The following THSD7B variants were observed in gnomAD, a reference collection of about 807,000 sequenced individuals.
The protein encoded by THSD7B is thrombospondin type 1 domain containing 7B.
Under a neutral mutation model 213.6 loss-of-function variants are expected in THSD7B, and 138 were observed. That is an observed-to-expected ratio of 0.65 (90% CI 0.56 to 0.74). The LOEUF (loss-of-function observed/expected upper bound fraction) is 0.74, where lower values mean the gene tolerates loss of function less well. THSD7B is among the 30% of genes least tolerant of loss of function. THSD7B has a pLI of 0.00. For synonymous variants in THSD7B, 742 were observed against 687.0 expected (o/e 1.08, Z -1.25); for missense variants, 1,931 against 1,991.5 (o/e 0.97, Z 0.58).
intron 24 of THSD7B, among the ~76,000 whole-genome samples, chr2:137,658,882 C>A (rs187006933): frequency 6.6e-6 from 1 of 152,162 alleles, no homozygotes; most frequent in Non-Finnish European, 1.5e-5. Flanking sequence ...AACGCTAGAA[C>A]CTTTCAATGC....
At chr2:137,338,884 G>C (rs969739078) in intron 12 of THSD7B, among the ~76,000 whole-genome samples, 2 of 152,012 alleles carry the variant, frequency 1.3e-5, no homozygotes, top group Non-Finnish European at 2.9e-5. Context: ...GGCTGTGGAG[G>C]TTAATTGCTC....
intron 10 of THSD7B, among the ~76,000 whole-genome samples, chr2:137,251,215 A>G (rs147572502): frequency 8.5e-5 from 13 of 152,298 alleles, no homozygotes; most frequent in Non-Finnish European, 1.5e-4. Flanking sequence ...TCCTCATAAA[A>G]ATTTGCATAG....
intron 3 of THSD7B, among the ~76,000 whole-genome samples, chr2:137,078,790 G>A (rs948016974): frequency 2.6e-5 from 4 of 151,804 alleles, no homozygotes; most frequent in African/African-American, 9.7e-5. Flanking sequence ...GATTCTTATA[G>A]TGTTTTATTA....
At chr2:136,796,967 A>G (rs913796650) in intron 1 of THSD7B, among the ~76,000 whole-genome samples, 4 of 143,292 alleles carry the variant, frequency 2.8e-5, no homozygotes, top group Admixed American at 7.2e-5. Context: ...CAAGATAGTG[A>G]TATCATATTT....
At chr2:137,282,342 CGTTCT>C (rs1354110528) in intron 12 of THSD7B, among the ~76,000 whole-genome samples, 1 of 152,084 alleles carries the variant, frequency 6.6e-6, no homozygotes, top group East Asian at 1.9e-4. Flanking sequence ...AGTTTTCTCC[CGTTCT>C]GTAGGTTGCC....
chr2:137,198,451 A>C (rs956352089), intron 7 of THSD7B, among the ~76,000 whole-genome samples: 1 of 152,148 alleles, frequency 6.6e-6, no homozygotes, highest in African/African-American at 2.4e-5. Context: ...ACTACAGGTC[A>C]CATTTCCCCT....
At chr2:137,574,370 T>G (rs1202105414) in intron 17 of THSD7B, among the ~76,000 whole-genome samples, 1 of 152,124 alleles carries the variant, frequency 6.6e-6, no homozygotes, top group African/African-American at 2.4e-5. Flanking sequence ...CTTTCATGTG[T>G]CAGAAAGACA....
chr2:137,294,583 C>CAAAAAAAAAAAA (rs1210363889), intron 12 of THSD7B, among the ~76,000 whole-genome samples: 10 of 73,242 alleles, frequency 1.4e-4, no homozygotes, highest in African/African-American at 3.5e-4. Flanking sequence ...AACTCCATCT[C>CAAAAAAAAAAAA]AAAAAAAAAA....
At chr2:136,892,626 C>T (rs542273152) in intron 2 of THSD7B, among the ~76,000 whole-genome samples, 1 of 152,024 alleles carries the variant, frequency 6.6e-6, no homozygotes, top group Admixed American at 6.5e-5. Context: ...ACGTTGTCTA[C>T]TCTTCTCAAG....
chr2:137,517,771 T>A (rs1240005906), intron 15 of THSD7B, among the ~76,000 whole-genome samples: 1 of 152,184 alleles, frequency 6.6e-6, no homozygotes, highest in Non-Finnish European at 1.5e-5. Context: ...TTTGGAGCCC[T>A]GGCAGGCCCC....
At chr2:137,143,083 T>A (rs889793708) in intron 5 of THSD7B, among the ~76,000 whole-genome samples, 7 of 152,038 alleles carry the variant, frequency 4.6e-5, no homozygotes, top group African/African-American at 1.7e-4. Context: ...CCAGGGACTT[T>A]AAAAAAATAA....
intron 2 of THSD7B, among the ~76,000 whole-genome samples, chr2:136,948,078 C>T (rs1684974258): frequency 6.6e-6 from 1 of 152,142 alleles, no homozygotes; most frequent in Admixed American, 6.5e-5. Context: ...TATCACTTAA[C>T]AGATTTTGTT....
chr2:137,079,198 G>A (rs544213732), intron 3 of THSD7B, among the ~76,000 whole-genome samples: 1 of 151,992 alleles, frequency 6.6e-6, no homozygotes, highest in Non-Finnish European at 1.5e-5. Flanking sequence ...ACATTTGGAA[G>A]AAGATATATT....
chr2:137,582,788 C>T (rs915293531), intron 17 of THSD7B, among the ~76,000 whole-genome samples: 18 of 152,056 alleles, frequency 1.2e-4, no homozygotes, highest in East Asian at 3.9e-4. Flanking sequence ...TGAATACTGC[C>T]GCAATAAACA....
At chr2:137,547,763 C>T (rs1047010248) in intron 15 of THSD7B, among the ~76,000 whole-genome samples, 2 of 151,832 alleles carry the variant, frequency 1.3e-5, no homozygotes, top group Admixed American at 6.6e-5. Context: ...CTTTCACTTC[C>T]TGATAGACTG....
chr2:137,066,740 T>C (rs2104887007), intron 3 of THSD7B, among the ~76,000 whole-genome samples: 1 of 152,290 alleles, frequency 6.6e-6, no homozygotes, highest in East Asian at 1.9e-4. Context: ...GTGTCTGCCA[T>C]AAATTTTGGA....
At chr2:137,135,537 C>A (rs1322937917) in intron 5 of THSD7B, among the ~76,000 whole-genome samples, 2 of 152,146 alleles carry the variant, frequency 1.3e-5, no homozygotes, top group East Asian at 3.9e-4. Context: ...CATTAAAATT[C>A]TTAACAGATT....
chr2:137,582,932 T>A (rs2105248513), intron 17 of THSD7B, among the ~76,000 whole-genome samples: 1 of 152,306 alleles, frequency 6.6e-6, no homozygotes, highest in East Asian at 1.9e-4. Context: ...TCCATAATGG[T>A]TAAATTAGTT....
At chr2:137,369,348 A>G (rs1271148352) in intron 12 of THSD7B, among the ~76,000 whole-genome samples, 1 of 152,096 alleles carries the variant, frequency 6.6e-6, no homozygotes, top group Non-Finnish European at 1.5e-5. Flanking sequence ...GATTTCTGGC[A>G]TTATTTGCTT....
Sources: gnomAD v4.1 joint callset for allele counts (sites outside exome capture counted in the v4.1 genomes callset) on GRCh38, gnomAD v4.1.1 for gene constraint, MANE v1.5 for transcripts, NCBI Gene and HGNC (gene_info 2026-07-23, HGNC 2026-07-21) for gene names.